IDH3A: variants seen among roughly 807,000 people sequenced by gnomAD.
IDH3A encodes isocitrate dehydrogenase (NAD(+)) 3 catalytic subunit alpha, also known as isocitrate dehydrogenase [NAD] subunit alpha, mitochondrial.
Under a neutral mutation model 43.3 loss-of-function variants are expected in IDH3A, and 23 were observed. The observed-to-expected ratio is 0.53, with a 90% CI of 0.38 to 0.75. The LOEUF (loss-of-function observed/expected upper bound fraction) is 0.75. Ranked by LOEUF, IDH3A falls within the 30% of genes least tolerant of loss-of-function variation. IDH3A has a pLI of 0.00. For missense variants in IDH3A, 329 were observed against 474.4 expected (o/e 0.69, Z 2.85); for synonymous variants, 154 against 163.5 (o/e 0.94, Z 0.44).
rs1481380100 is a variant in IDH3A at position 78,161,466 on chromosome 15, TAG to T, written c.290-110_290-109del. 6.8e-6 allele frequency: 5 copies of T among 736,486 alleles called. No homozygotes were observed. Among genetic ancestry groups the T allele is most frequent in the Non-Finnish European group, 1.1e-5 (5 of 439,294 alleles). The allele number at this position is 736,486 out of a possible 1,614,324, so 45.6% of individuals were successfully genotyped here. A position where few individuals can be genotyped will look rare whatever the true frequency, so the allele number is the denominator to read the frequency against. ...GTTCCTCCTTCATTTGAATCTCAGGTAGAGAGTGAACTAGAGGCAGAACACAT... is the reference window on the plus strand; with the variant it reads ...GTTCCTCCTTCATTTGAATCTCAGGTAGAGTGAACTAGAGGCAGAACACAT... On this transcript the variant is annotated intron_variant, in intron 4 of 10. Coordinates refer to ENST00000299518, the MANE Select transcript of IDH3A (RefSeq NM_005530.3). The surrounding 1 kb of genome is among the most constrained non-coding windows in gnomAD (Gnocchi z 4.8).
At position 78,171,250 on chromosome 15, in the gene IDH3A, C is replaced by T. The variant is rs552465923; in HGVS notation, c.*2245C>T. 48 of 496,240 alleles carry T rather than the reference C, an allele frequency of 9.7e-5. No individual in the cohort carries two copies. The highest frequency in any genetic ancestry group is 7.3e-4 in the African/African-American group (38 of 52,042). 30.7% of individuals were successfully genotyped at this position (496,240 alleles called of 1,614,324 possible). A position where few individuals can be genotyped will look rare whatever the true frequency, so the allele number is the denominator to read the frequency against. On this transcript the variant is annotated 3_prime_UTR_variant, in exon 11 of 11. Coordinates refer to ENST00000299518, the MANE Select transcript of IDH3A (RefSeq NM_005530.3). ...TTAAACTGAATTAAAACTACCCACA[C>T]GTGAAGCTTCTTGGAATTGTCAGCT...
chr15:78,149,362 A>G lies in IDH3A; in HGVS notation c.-42A>G. On this transcript the variant is annotated 5_prime_UTR_variant, in exon 1 of 11. Coordinates refer to ENST00000299518, the MANE Select transcript of IDH3A (RefSeq NM_005530.3). The stretch of plus-strand genomic sequence containing the variant: ...CCGAGCGTGGGGTGGGCGCTTGCGC[A>G]CTGCCGCTGCGGCTGTTGCTGCGGA... The G allele has an allele frequency of 1.3e-6, 2 of 1,515,228 alleles. No homozygotes were observed. The highest frequency in any genetic ancestry group is 1.8e-6 in the Non-Finnish European group (2 of 1,138,354). The allele number at this position is 1,515,228 out of a possible 1,614,324, so 93.9% of individuals were successfully genotyped here.
chr15:78,157,059 GA>G (rs1397690290), intron 2 of IDH3A: 2 of 1,198,814 alleles, frequency 1.7e-6, no homozygotes, highest in African/African-American at 3.2e-5. Context: ...AAATGTGTCT[GA>G]AAATGTTTTG....
chr15:78,160,091 G>C lies in IDH3A; in HGVS notation c.175-1G>C. The C allele has an allele frequency of 6.3e-7, 1 of 1,582,074 alleles. No individual in the cohort carries two copies. Among genetic ancestry groups the C allele is most frequent in the Non-Finnish European group, 8.7e-7 (1 of 1,150,956 alleles). On this transcript the variant is annotated splice_acceptor_variant, in intron 3 of 10. Transcript: ENST00000299518. LOFTEE classifies it high-confidence loss of function. The stretch of plus-strand genomic sequence containing the variant: ...ACTGTGCTCTGTGATGTGGCATCTA[G>C]GCACCTATTCAGTGGGAGGAGCGGA...
chr15:78,149,809 C>A (rs910770696), intron 1 of IDH3A, among the ~76,000 whole-genome samples: 2 of 152,258 alleles, frequency 1.3e-5, no homozygotes, highest in African/African-American at 4.8e-5. Context: ...CGGGCCGCTT[C>A]CCCGGCTGCG....
At chr15:78,156,036 G>T (rs2074620349) in intron 2 of IDH3A, among the ~76,000 whole-genome samples, 1 of 152,174 alleles carries the variant, frequency 6.6e-6, no homozygotes, top group Middle Eastern at 3.2e-3. Flanking sequence ...TGGAAGAAAA[G>T]CAGATTTTCT....
Position 78,161,509 on chromosome 15 carries a change from A to G in IDH3A, c.290-72A>G, listed in dbSNP as rs2074681047. On this transcript the variant is annotated intron_variant, in intron 4 of 10. Coordinates refer to ENST00000299518, the MANE Select transcript of IDH3A (RefSeq NM_005530.3). The surrounding 1 kb of genome is among the most constrained non-coding windows in gnomAD (Gnocchi z 4.8). ...CAGAACACATTTCACAAGGTAGCCG[A>G]GGTGGGTTAGTAGGTCACACGTGAG... 8.4e-7 allele frequency: 1 copy of G among 1,195,672 alleles called. No homozygotes were observed. The highest frequency in any genetic ancestry group is 1.5e-5 in the African/African-American group (1 of 66,550). The allele number at this position is 1,195,672 out of a possible 1,614,324, so 74.1% of individuals were successfully genotyped here.
chr15:78,152,857 G>T (rs1420129598), intron 1 of IDH3A, among the ~76,000 whole-genome samples: 4 of 152,160 alleles, frequency 2.6e-5, no homozygotes, highest in African/African-American at 9.7e-5. Context: ...AAGGCTACTT[G>T]TTGGCTTGGA....
rs2304825 is a variant in IDH3A, at chr15:78,166,455, C to T, written c.1017+153C>T. 0.41 allele frequency: 317,225 copies of T among 775,438 alleles called. 66,414 individuals carry two copies. Among genetic ancestry groups the T allele is most frequent in the Middle Eastern group, 0.48 (2,003 of 4,202 alleles). The allele number at this position is 775,438 out of a possible 1,614,324, so 48.0% of individuals were successfully genotyped here. ...TTCTTAACGTGGGTCCCAGATTGAA[C>T]AGGGTATGTGTGCACATGTGTGCAT... On this transcript the variant is annotated intron_variant, in intron 10 of 10. Coordinates refer to ENST00000299518, the MANE Select transcript of IDH3A (RefSeq NM_005530.3).
intron 6 of IDH3A, 70 bp downstream of exon 6, chr15:78,162,437 T>C: frequency 1.9e-6 from 3 of 1,551,570 alleles, no homozygotes; most frequent in Non-Finnish European, 2.6e-6. Flanking sequence ...GGCTTCCCTT[T>C]CTCCTCTTCA....
chr15:78,158,983 C>G (rs1342206542), intron 3 of IDH3A, among the ~76,000 whole-genome samples: 2 of 151,958 alleles, frequency 1.3e-5, no homozygotes, highest in Non-Finnish European at 2.9e-5. Context: ...CAGGTGCCTG[C>G]CACCACGCCC....
chr15:78,171,703 G>T lies in IDH3A; in HGVS notation c.*2698G>T, dbSNP rs1595876509. On this transcript the variant is annotated 3_prime_UTR_variant, in exon 11 of 11. Transcript: ENST00000299518. ...ATCGCTCCTGGTATTCATATGGCTT[G>T]TGTGTAGTCTCCTGTGTTATACCAC... 1 of 575,060 alleles carries T rather than the reference G, an allele frequency of 1.7e-6. No homozygotes were observed. The highest frequency in any genetic ancestry group is 3.1e-6 in the Non-Finnish European group (1 of 319,614). The allele number at this position is 575,060 out of a possible 1,614,324, so 35.6% of individuals were successfully genotyped here.
At chr15:78,159,113 G>A (rs1242607415) in intron 3 of IDH3A, among the ~76,000 whole-genome samples, 2 of 152,152 alleles carry the variant, frequency 1.3e-5, no homozygotes, top group East Asian at 1.9e-4. Context: ...GATTACAGGC[G>A]TGAGCCACCA....
rs1230867979 is a variant in IDH3A at position 78,171,900 on chromosome 15, TTTG to T, written c.*2898_*2900del. On this transcript the variant is annotated 3_prime_UTR_variant, in exon 11 of 11. Coordinates refer to ENST00000299518, the MANE Select transcript of IDH3A (RefSeq NM_005530.3). ...GTCCATTTTCTCTGAAATGGATTTA[TTTG>T]TTCCATCTCTTGAATGAATAAATTG... 6.2e-6 allele frequency: 1 copy of T among 161,522 alleles called. No individual in the cohort carries two copies. The highest frequency in any genetic ancestry group is 2.4e-5 in the African/African-American group (1 of 41,706). The allele number at this position is 161,522 out of a possible 1,614,324, so 10.0% of individuals were successfully genotyped here. A position where few individuals can be genotyped will look rare whatever the true frequency, so the allele number is the denominator to read the frequency against.
chr15:78,165,075 C>T lies in IDH3A; in HGVS notation c.863C>T (p.Ser288Leu). The change falls in exon 9 of 11, where the codon TCG (serine) becomes TTG (leucine). Residue 288 changes from serine to leucine, a missense_variant and splice_region_variant. By Grantham distance (145) the Ser-to-Leu change is moderately radical. This residue lies in a region of IDH3A where 91 missense variants were observed against 111.6 expected (regional missense o/e 0.82). Transcript: ENST00000299518. The part of the protein sequence containing the change: ...IGANGVAIFE[S>L]VHGTAPDIAG... ...GCCAATGGGGTTGCAATTTTTGAGT[C>T]GGTAAGGACCCTGACACCTGAAACA... 1.9e-6 allele frequency: 3 copies of T among 1,606,114 alleles called. No individual in the cohort carries two copies. Among genetic ancestry groups the T allele is most frequent in the Non-Finnish European group, 1.7e-6 (2 of 1,172,956 alleles).
rs1189821161 is a variant in IDH3A at position 78,157,708 on chromosome 15, T to A, written c.174+77T>A. On this transcript the variant is annotated intron_variant, in intron 3 of 10. Transcript: ENST00000299518. Reference sequence around the variant, plus strand: ...TAGCCAGTTGGATTCTGTGAACTTTTAGGATGCATTGTACCCATTTCTATG... The same window carrying A: ...TAGCCAGTTGGATTCTGTGAACTTTAAGGATGCATTGTACCCATTTCTATG... The A allele has an allele frequency of 7.6e-6, 7 of 918,178 alleles. No homozygotes were observed. The East Asian group carries it at 1.8e-4, about 23-fold the overall frequency. 56.9% of individuals were successfully genotyped at this position (918,178 alleles called of 1,614,324 possible).
rs758121520 is a variant in IDH3A at position 78,166,167 on chromosome 15, A to G, written c.882A>G (p.Pro294=). ...AIFESVHGTA[P]DIAGKDMANP... ...ATGTGTAGGTTCATGGGACGGCTCC[A>G]GACATTGCAGGCAAGGACATGGCGA... is the stretch of plus-strand genomic sequence containing the variant. Residue 294 remains proline, a synonymous_variant, in exon 10 of 11, where the codon CCA becomes CCG. Coordinates refer to ENST00000299518, the MANE Select transcript of IDH3A (RefSeq NM_005530.3). 8 of 1,614,070 alleles carry G rather than the reference A, an allele frequency of 5.0e-6. No homozygotes were observed. The South Asian group carries it at 8.8e-5, about 18-fold the overall frequency.
intron 3 of IDH3A, 113 bp downstream of exon 3, chr15:78,157,744 A>C (rs1056747784): frequency 8.9e-6 from 6 of 671,596 alleles, no homozygotes; most frequent in Admixed American, 5.5e-5. Context: ...AAATTTAGTC[A>C]GGTCTGTTGT....
Position 78,164,197 on chromosome 15 carries a change from A to G in IDH3A, c.779+417A>G, listed in dbSNP as rs571154623. On this transcript the variant is annotated intron_variant, in intron 8 of 10. Transcript: ENST00000299518. ...CTTGTACTCAGCACCCTGATTCCAC[A>G]TTCTCCAGATGTCAGCATTTTATCA... Among the ~76,000 whole-genome samples the G allele has an allele frequency of 2.0e-5, 3 of 152,086 alleles. No homozygotes were observed. In the South Asian group the frequency reaches 6.2e-4, roughly 32 times the overall value.
Sources: gnomAD v4.1 joint callset for allele counts (sites outside exome capture counted in the v4.1 genomes callset) on GRCh38, gnomAD v4.1.1 for gene constraint, gnomAD v4.1.1 regional missense constraint, Gnocchi (gnomAD v3.1) non-coding constraint, MANE v1.5 for transcripts, NCBI Gene and HGNC (gene_info 2026-07-23, HGNC 2026-07-21) for gene names.